TAF15: variants seen among roughly 807,000 people sequenced by gnomAD.
TAF15 encodes the protein TATA-box binding protein associated factor 15.
A neutral mutation model predicts 102.5 loss-of-function variants in TAF15; 37 were observed. That is an observed-to-expected ratio of 0.36 (90% CI 0.28 to 0.47). The LOEUF (loss-of-function observed/expected upper bound fraction) is 0.47, where lower values mean the gene tolerates loss of function less well. Among genes scored for constraint, TAF15 ranks in the 20% least tolerant of loss-of-function variants. The pLI is 0.99. For missense variants in TAF15, 652 were observed against 760.7 expected, an observed-to-expected ratio of 0.86 and a Z score of 1.68; for synonymous variants, 273 against 259.2, an observed-to-expected ratio of 1.05 and a Z score of -0.51.
At chr17:35,812,018 A>T (rs1316334513) in intron 1 of TAF15, among the ~76,000 whole-genome samples, 1 of 152,236 alleles carries the variant, frequency 6.6e-6, no homozygotes, top group Admixed American at 6.5e-5. Flanking sequence ...CCTTTTTTAG[A>T]CACCTGGGTT....
In TAF15 at chr17:35,814,844, C is replaced by T. The variant is rs141964792; in HGVS notation, c.8-2872C>T. 4.7e-3 allele frequency among the ~76,000 whole-genome samples: 702 copies of T among 149,910 alleles called. 5 individuals carry two copies. The highest frequency in any genetic ancestry group is 0.016 in the African/African-American group (655 of 40,552). On this transcript the variant is annotated intron_variant, in intron 1 of 15. Transcript: ENST00000605844. ...CTCCATCCTGGGTGATAGAGTGAGA[C>T]TCTGTCTCAAAAAAAAAAAGTGTGT...
intron 11 of TAF15, among the ~76,000 whole-genome samples, chr17:35,841,967 A>C (rs2087553414): frequency 6.6e-6 from 1 of 151,882 alleles, no homozygotes; most frequent in African/African-American, 2.4e-5. Flanking sequence ...AAAAGTGCTG[A>C]GATTACAGAT....
chr17:35,845,083 C>A, intron 15 of TAF15, 45 bp downstream of exon 15: 1 of 1,609,996 alleles, frequency 6.2e-7, no homozygotes. Context: ...CTCACTGCAC[C>A]TAGATTGGGG....
chr17:35,810,227 G>GT (rs1358517251), intron 1 of TAF15: 1 of 149,860 alleles, frequency 6.7e-6, no homozygotes, highest in African/African-American at 2.9e-5. Context: ...TTCCCCACCA[G>GT]TTTATCTCCT....
At position 35,817,569 on chromosome 17, in the gene TAF15, C is replaced by T. The variant is rs2087209749; in HGVS notation, c.8-147C>T. On this transcript the variant is annotated intron_variant, in intron 1 of 15. Coordinates refer to ENST00000605844, the MANE Select transcript of TAF15 (RefSeq NM_139215.3). Reference sequence around the variant, plus strand: ...AAGTAAATACTATTTGTACAAATTTCTTGTTTCATAGTATTTAACTTGAGT... The same window carrying T: ...AAGTAAATACTATTTGTACAAATTTTTTGTTTCATAGTATTTAACTTGAGT... 1.1e-5 allele frequency: 8 copies of T among 700,432 alleles called. 1 individual carries two copies. In the South Asian group the frequency reaches 1.4e-4, roughly 12 times the overall value. 43.4% of individuals were successfully genotyped at this position (700,432 alleles called of 1,614,324 possible).
At chr17:35,815,272 C>G (rs1017084227) in intron 1 of TAF15, among the ~76,000 whole-genome samples, 2 of 152,158 alleles carry the variant, frequency 1.3e-5, no homozygotes, top group African/African-American at 2.4e-5. Flanking sequence ...ATTCGTAGGT[C>G]CAGACACAAA....
chr17:35,836,305 A>G (rs1568271558), intron 10 of TAF15, 64 bp downstream of exon 10: 7 of 1,197,474 alleles, frequency 5.8e-6, no homozygotes, highest in Middle Eastern at 2.6e-4. Context: ...TACATAGACT[A>G]TGTAGTAAGC....
intron 7 of TAF15, among the ~76,000 whole-genome samples, chr17:35,828,907 TGTAG>T (rs892460426): frequency 2.6e-5 from 4 of 152,130 alleles, no homozygotes; most frequent in African/African-American, 9.7e-5. Context: ...ACAGGCCACA[TGTAG>T]GTAGTGGATA....
chr17:35,843,158 T>G (rs572472495), intron 12 of TAF15, among the ~76,000 whole-genome samples: 180 of 150,040 alleles, frequency 1.2e-3, no homozygotes, highest in African/African-American at 4.1e-3. Context: ...AGTTTCGCTC[T>G]TGTTGCCCAG....
intron 1 of TAF15, chr17:35,810,491 CT>C (rs2087112677): frequency 6.6e-6 from 1 of 152,212 alleles, no homozygotes; most frequent in African/African-American, 2.4e-5. Context: ...TTTAGCAGAT[CT>C]AGCTGTTCAC....
chr17:35,841,550 TGCCACCACA>T (rs1453195517), intron 11 of TAF15, among the ~76,000 whole-genome samples: 1 of 151,702 alleles, frequency 6.6e-6, no homozygotes, highest in Non-Finnish European at 1.5e-5. Flanking sequence ...GGACCACAGG[TGCCACCACA>T]CCCAGTTAAT....
chr17:35,833,650 G>A lies in TAF15; in HGVS notation c.606-257G>A, dbSNP rs2087434500. The A allele has an allele frequency of 6.8e-6, 3 of 438,552 alleles. No homozygotes were observed. In the East Asian group the frequency reaches 1.1e-4, roughly 15 times the overall value. The allele number at this position is 438,552 out of a possible 1,614,324, so 27.2% of individuals were successfully genotyped here. ...GTTTAATAGTATCCCTTTGGCTTGG[G>A]GTTGGGAAGATTTAGAAATAAGAGT... On this transcript the variant is annotated intron_variant, in intron 7 of 15. Transcript: ENST00000605844.
Position 35,820,210 on chromosome 17 carries a change from A to G in TAF15, c.146A>G (p.Asn49Ser), listed in dbSNP as rs367951957. The stretch of plus-strand genomic sequence containing the variant: ...ACGACTGATTCCTCTTATGGACAGA[A>G]CTACAGCGGTTACTCCAGTTATGGA... ...GQTTDSSYGQ[N>S]YSGYSSYGQS... is the part of the protein sequence containing the mutation. The change falls in exon 4 of 16, where the codon AAC becomes AGC. Residue 49 changes from asparagine to serine, a missense_variant. By Grantham distance (46) the Asn-to-Ser change is conservative. This residue lies in a region of TAF15 where 243 missense variants were observed against 284.1 expected (regional missense o/e 0.86). Transcript: ENST00000605844. 54 of 1,614,014 alleles carry G rather than the reference A, an allele frequency of 3.3e-5. No individual in the cohort carries two copies. Among genetic ancestry groups the G allele is most frequent in the Non-Finnish European group, 4.1e-5 (48 of 1,179,964 alleles).
In TAF15 at chr17:35,814,219, G is replaced by A. The variant is rs1329100046; in HGVS notation, c.8-3497G>A. On this transcript the variant is annotated intron_variant, in intron 1 of 15. Coordinates refer to ENST00000605844, the MANE Select transcript of TAF15 (RefSeq NM_139215.3). ...CTCGCTCTGTCGCCCAGGCTGGAGT[G>A]CAGTGGCGCAATCTCGGCTCACTGC... Among the ~76,000 whole-genome samples, 5 of 151,876 alleles carry A rather than the reference G, an allele frequency of 3.3e-5. No homozygotes were observed. In the East Asian group the frequency reaches 9.7e-4, roughly 29 times the overall value.
At chr17:35,838,374 G>A (rs1476798698) in intron 10 of TAF15, 50 bp from the exon 11 acceptor site, 2 of 1,608,208 alleles carry the variant, frequency 1.2e-6, no homozygotes, top group South Asian at 1.1e-5. Flanking sequence ...AATGATACAT[G>A]ATTACTTATT....
At chr17:35,818,422 A>G (rs1266392857) in intron 2 of TAF15, 1 of 152,250 alleles carries the variant, frequency 6.6e-6, no homozygotes, top group Non-Finnish European at 1.5e-5. Flanking sequence ...TGTTTGCATC[A>G]ATGAATATAC....
chr17:35,811,353 A>G (rs1289569094), intron 1 of TAF15: 2 of 152,170 alleles, frequency 1.3e-5, no homozygotes, highest in Admixed American at 1.3e-4. Context: ...TAGTTCGAGT[A>G]TTTTTTAAAA....
intron 7 of TAF15, among the ~76,000 whole-genome samples, chr17:35,829,404 G>A (rs180704999): frequency 2.7e-5 from 4 of 150,770 alleles, no homozygotes; most frequent in East Asian, 3.9e-4. Flanking sequence ...AGGCCGAGAC[G>A]GGTGGATCAC....
chr17:35,823,467 AGGTG>A (rs2087287753), intron 6 of TAF15: 1 of 167,778 alleles, frequency 6.0e-6, no homozygotes, highest in Non-Finnish European at 1.3e-5. Flanking sequence ...TGGGAGGCCG[AGGTG>A]GGCAGATCAC....
Sources: gnomAD v4.1 joint callset for allele counts (sites outside exome capture counted in the v4.1 genomes callset) on GRCh38, gnomAD v4.1.1 for gene constraint, gnomAD v4.1.1 regional missense constraint, MANE v1.5 for transcripts, NCBI Gene and HGNC (gene_info 2026-07-23, HGNC 2026-07-21) for gene names.